Variants in FHIT observed in about 807,000 individuals in gnomAD.
FHIT encodes fragile histidine triad diadenosine triphosphatase, also known as bis(5'-adenosyl)-triphosphatase.
In FHIT, 19 loss-of-function variants were observed where a neutral mutation model predicts 17.9. The observed-to-expected ratio is 1.06, with a 90% CI of 0.74 to 1.56. The LOEUF (loss-of-function observed/expected upper bound fraction) is 1.56. Ranked by LOEUF, FHIT falls within the 40% of genes most tolerant of loss-of-function variation. FHIT has a pLI of 0.00. For synonymous variants in FHIT, 81 were observed against 69.7 expected, an observed-to-expected ratio of 1.16 and a Z score of -0.81; for missense variants, 248 against 189.2, an observed-to-expected ratio of 1.31 and a Z score of -1.82.
At chr3:59,967,849 G>A (rs1707998498) in intron 7 of FHIT, among the ~76,000 whole-genome samples, 1 of 151,792 alleles carries the variant, frequency 6.6e-6, no homozygotes, top group Admixed American at 6.6e-5. Flanking sequence ...ATGAAGAAAA[G>A]GAGAAGGAAG....
At chr3:60,095,223 T>C (rs879618873) in intron 5 of FHIT, among the ~76,000 whole-genome samples, 2 of 152,182 alleles carry the variant, frequency 1.3e-5, no homozygotes, top group Non-Finnish European at 2.9e-5. Context: ...GAGGCAAAAC[T>C]TCTAGGATTC....
At chr3:60,386,129 T>G (rs1234488108) in intron 5 of FHIT, among the ~76,000 whole-genome samples, 2 of 152,024 alleles carry the variant, frequency 1.3e-5, no homozygotes. Flanking sequence ...GAACCAAGAT[T>G]TCAAGATTTG....
intron 5 of FHIT, among the ~76,000 whole-genome samples, chr3:60,347,675 T>TGGGG (rs33987270): frequency 7.2e-5 from 2 of 27,726 alleles, no homozygotes; most frequent in African/African-American, 1.7e-4. Flanking sequence ...ACCACTGGTT[T>TGGGG]GGGGGGGGGG....
intron 1 of FHIT, among the ~76,000 whole-genome samples, chr3:61,228,206 G>A (rs940531275): frequency 4.3e-4 from 66 of 151,748 alleles, no homozygotes; most frequent in African/African-American, 1.5e-3. Flanking sequence ...GGTGCAAGAA[G>A]GGTTTTCTGA....
intron 7 of FHIT, among the ~76,000 whole-genome samples, chr3:59,948,144 C>T (rs1387827192): frequency 6.6e-6 from 1 of 152,056 alleles, no homozygotes; most frequent in African/African-American, 2.4e-5. Flanking sequence ...ATAGGTTTCC[C>T]TTTCTCTGGG....
chr3:61,171,984 C>T (rs1554601), intron 2 of FHIT, among the ~76,000 whole-genome samples: 12 of 151,904 alleles, frequency 7.9e-5, no homozygotes, highest in Non-Finnish European at 2.9e-5. Flanking sequence ...TAGAGATGGA[C>T]GGGGGAAAAG....
In FHIT at chr3:60,785,298, C is replaced by A. The variant is rs79577171; in HGVS notation, c.-18+36621G>T. 9.6e-3 allele frequency among the ~76,000 whole-genome samples: 1,467 copies of A among 152,268 alleles called. 28 individuals are homozygous for A. Among genetic ancestry groups the A allele is most frequent in the African/African-American group, 0.033 (1,375 of 41,546 alleles). On this transcript the variant is annotated intron_variant, in intron 4 of 9. Transcript: ENST00000492590. ...AGTGATGACTGAGACTAGCCCTTGGCTGTGGTGATTAAGATCTTTGGTGAC... is the reference window on the plus strand; with the variant it reads ...AGTGATGACTGAGACTAGCCCTTGGATGTGGTGATTAAGATCTTTGGTGAC...
intron 5 of FHIT, among the ~76,000 whole-genome samples, chr3:60,154,642 GGT>G (rs1247235847): frequency 6.6e-6 from 1 of 152,048 alleles, no homozygotes; most frequent in African/African-American, 2.4e-5. Flanking sequence ...TGCTCTTCGT[GGT>G]GCTAAACCTT....
intron 4 of FHIT, among the ~76,000 whole-genome samples, chr3:60,581,702 C>T (rs2107680599): frequency 6.6e-6 from 1 of 152,000 alleles, no homozygotes; most frequent in East Asian, 1.9e-4. Flanking sequence ...TATGTAAATG[C>T]ATTTTTGACA....
At chr3:60,974,579 C>T (rs1710157925) in intron 3 of FHIT, among the ~76,000 whole-genome samples, 1 of 152,112 alleles carries the variant, frequency 6.6e-6, no homozygotes, top group South Asian at 2.1e-4. Flanking sequence ...GTTGCCTAAG[C>T]CAGTTTATTA....
intron 4 of FHIT, among the ~76,000 whole-genome samples, chr3:60,544,176 G>A (rs2036284455): frequency 6.6e-6 from 1 of 151,776 alleles, no homozygotes; most frequent in East Asian, 1.9e-4. Context: ...ATGTGGTAAT[G>A]TATTGAGAAG....
chr3:61,162,668 A>G (rs191330042), intron 2 of FHIT, among the ~76,000 whole-genome samples: 1 of 152,346 alleles, frequency 6.6e-6, no homozygotes, highest in East Asian at 1.9e-4. Flanking sequence ...CCCAATTACC[A>G]TATTATCAGA....
intron 3 of FHIT, among the ~76,000 whole-genome samples, chr3:60,860,349 A>G (rs1553751294): frequency 6.9e-6 from 1 of 143,964 alleles, no homozygotes; most frequent in African/African-American, 2.8e-5. Context: ...GATACATCAT[A>G]TGTATACATG....
chr3:61,239,074 C>T (rs1357128205), intron 1 of FHIT, among the ~76,000 whole-genome samples: 1 of 152,018 alleles, frequency 6.6e-6, no homozygotes, highest in African/African-American at 2.4e-5. Flanking sequence ...AAGCATCAGC[C>T]AGGACTGTAA....
chr3:60,460,348 C>A (rs568560174), intron 5 of FHIT, among the ~76,000 whole-genome samples: 2 of 151,990 alleles, frequency 1.3e-5, no homozygotes, highest in East Asian at 3.9e-4. Context: ...TAATAACCAA[C>A]CATGGGAATC....
At chr3:60,956,029 A>G (rs1287303319) in intron 3 of FHIT, among the ~76,000 whole-genome samples, 2 of 152,218 alleles carry the variant, frequency 1.3e-5, no homozygotes, top group Non-Finnish European at 2.9e-5. Context: ...ACTGAAACTC[A>G]GAGGTCAAGA....
chr3:60,284,634 T>G (rs213371), intron 5 of FHIT, among the ~76,000 whole-genome samples: 1 of 151,798 alleles, frequency 6.6e-6, no homozygotes, highest in Admixed American at 6.6e-5. Context: ...CCATTGTTTC[T>G]GAGTAATCTG....
chr3:60,501,888 A>C (rs1293739044), intron 5 of FHIT, among the ~76,000 whole-genome samples: 1 of 152,230 alleles, frequency 6.6e-6, no homozygotes, highest in Non-Finnish European at 1.5e-5. Flanking sequence ...TGTAGGAGTG[A>C]AGTACTCAAA....
intron 4 of FHIT, among the ~76,000 whole-genome samples, chr3:60,624,105 G>C (rs553926647): frequency 6.6e-6 from 1 of 152,176 alleles, no homozygotes; most frequent in Non-Finnish European, 1.5e-5. Flanking sequence ...GGAGTAAGGA[G>C]GCCAAAAGTT....
Sources: allele counts gnomAD v4.1 joint callset (sites outside exome capture counted in the v4.1 genomes callset), GRCh38; gene constraint gnomAD v4.1.1; transcripts MANE v1.5; gene names NCBI Gene and HGNC (gene_info 2026-07-23, HGNC 2026-07-21).